SHMT1: variants seen among roughly 807,000 people sequenced by gnomAD.
SHMT1 encodes the protein serine hydroxymethyltransferase, cytosolic.
Under a neutral mutation model 49.0 loss-of-function variants are expected in SHMT1, and 45 were observed. The ratio of observed to expected loss-of-function variants is 0.92; its 90% CI spans 0.72 to 1.18. The LOEUF is 1.18. SHMT1 is among the 50% of genes most tolerant of loss of function. The pLI is 0.00. For missense variants in SHMT1, 541 were observed against 612.4 expected (o/e 0.88, Z 1.23); for synonymous variants, 232 against 246.6 (o/e 0.94, Z 0.55).
chr17:18,349,505 G>A (rs1985454385), intron 3 of SHMT1, among the ~76,000 whole-genome samples: 2 of 151,816 alleles, frequency 1.3e-5, no homozygotes, highest in South Asian at 4.2e-4. Context: ...AACTGCTTGA[G>A]GCCAGGAGTT....
chr17:18,330,545 T>A lies in SHMT1; in HGVS notation c.1171+10A>T. The A allele has an allele frequency of 6.4e-7, 1 of 1,572,468 alleles. No homozygotes were observed. The highest frequency in any genetic ancestry group is 8.8e-7 in the Non-Finnish European group (1 of 1,141,868). ...AGAGGAGTGAAGGAGAAGGCAAGGA[T>A]GATTCTCACCTGGACAGGTGTTCTT... On this transcript the variant is annotated intron_variant, in intron 10 of 11. Coordinates refer to ENST00000316694, the MANE Select transcript of SHMT1 (RefSeq NM_004169.5).
At position 18,339,049 on chromosome 17, in the gene SHMT1, TAAAAAAAAAAAAA is replaced by T. The variant is rs34704448; in HGVS notation, c.814+981_814+993del. Among the ~76,000 whole-genome samples the T allele has an allele frequency of 3.7e-4, 10 of 26,874 alleles. No individual in the cohort carries two copies. The South Asian group carries it at 8.1e-3, about 22-fold the overall frequency. 17.6% of individuals were successfully genotyped at this position (26,874 alleles called of 152,430 possible). ...ACACCCAAGAATGATCAATAAATAC[TAAAAAAAAAAAAA>T]AAAAAAAAAAAAAAAAAGAGTAATG... On this transcript the variant is annotated intron_variant, in intron 7 of 11. Coordinates refer to ENST00000316694, the MANE Select transcript of SHMT1 (RefSeq NM_004169.5).
chr17:18,361,383 CAGG>C (rs1260802611), intron 1 of SHMT1, among the ~76,000 whole-genome samples: 3 of 149,998 alleles, frequency 2.0e-5, no homozygotes, highest in Admixed American at 6.7e-5. Flanking sequence ...AGGCTGAGAC[CAGG>C]AGAATAGCTT....
At chr17:18,328,969 G>A (rs1449089875) in intron 11 of SHMT1, 50 bp from the exon 12 acceptor site, 2 of 1,608,166 alleles carry the variant, frequency 1.2e-6, no homozygotes. Flanking sequence ...ACCAAAGGGG[G>A]TACAATGGCT....
intron 3 of SHMT1, among the ~76,000 whole-genome samples, chr17:18,352,655 CTG>C (rs1485585109): frequency 6.6e-6 from 1 of 151,748 alleles, no homozygotes; most frequent in Non-Finnish European, 1.5e-5. Context: ...GGGTGAAACT[CTG>C]TCTCTACAAA....
Position 18,362,324 on chromosome 17 carries a change from C to G in SHMT1, c.-20+1048G>C, listed in dbSNP as rs139577645. On this transcript the variant is annotated intron_variant, in intron 1 of 11. Coordinates refer to ENST00000316694, the MANE Select transcript of SHMT1 (RefSeq NM_004169.5). ...TTTCTTTTTTTTCTTTTCTTTCTCT[C>G]TCTTTCTTTCTTTTGAGATAGAGTC... Among the ~76,000 whole-genome samples, 589 of 152,020 alleles carry G rather than the reference C, an allele frequency of 3.9e-3. 2 individuals carry two copies. The highest frequency in any genetic ancestry group is 0.013 in the African/African-American group (538 of 41,482).
intron 11 of SHMT1, 119 bp downstream of exon 11, chr17:18,329,159 C>T: frequency 2.2e-6 from 2 of 916,772 alleles, no homozygotes; most frequent in Non-Finnish European, 3.5e-6. Context: ...CTGTCTCCCA[C>T]CCCAACACTC....
intron 1 of SHMT1, among the ~76,000 whole-genome samples, chr17:18,358,450 T>C (rs1986459015): frequency 6.6e-6 from 1 of 151,412 alleles, no homozygotes; most frequent in African/African-American, 2.4e-5. Context: ...AGATCACCAC[T>C]GCACTCCAGG....
At position 18,353,522 on chromosome 17, in the gene SHMT1, A is replaced by C. The variant is rs528384377; in HGVS notation, c.242+150T>G. 7.2e-5 allele frequency: 61 copies of C among 849,004 alleles called. No individual in the cohort carries two copies. The African/African-American group carries it at 9.3e-4, about 13-fold the overall frequency. 52.6% of individuals were successfully genotyped at this position (849,004 alleles called of 1,614,324 possible). A position where few individuals can be genotyped will look rare whatever the true frequency, so the allele number is the denominator to read the frequency against. On this transcript the variant is annotated intron_variant, in intron 3 of 11. Coordinates refer to ENST00000316694, the MANE Select transcript of SHMT1 (RefSeq NM_004169.5). ...CAGTGTTATCACATGCTGGGAATAA[A>C]AGAGTTCTGTCAGAGAGCAGGCGTG...
intron 4 of SHMT1, 68 bp from the exon 5 acceptor site, chr17:18,347,724 T>G: frequency 6.3e-7 from 1 of 1,579,684 alleles, no homozygotes; most frequent in Non-Finnish European, 8.7e-7. Context: ...TCCGGGACCT[T>G]GGCCACTAAG....
chr17:18,333,418 T>C, intron 8 of SHMT1, 130 bp from the exon 9 acceptor site: 2 of 603,230 alleles, frequency 3.3e-6, no homozygotes, highest in African/African-American at 1.9e-5. Context: ...TGCGTTGGAT[T>C]ATCTTTTCCT....
At chr17:18,363,042 T>C (rs1451539134) in intron 1 of SHMT1, 4 of 152,230 alleles carry the variant, frequency 2.6e-5, no homozygotes, top group African/African-American at 9.7e-5. Flanking sequence ...GTGAAGGAGC[T>C]AGGATTGTTT....
intron 7 of SHMT1, among the ~76,000 whole-genome samples, chr17:18,336,877 T>C (rs1450923356): frequency 6.6e-6 from 1 of 152,016 alleles, no homozygotes; most frequent in Non-Finnish European, 1.5e-5. Flanking sequence ...GCCCGGGAAG[T>C]TGAAGTTGCA....
intron 5 of SHMT1, among the ~76,000 whole-genome samples, chr17:18,347,118 G>C (rs957811502): frequency 6.6e-6 from 1 of 152,222 alleles, no homozygotes; most frequent in Admixed American, 6.5e-5. Flanking sequence ...CAGGGGCTCC[G>C]AGCAGAGATG....
intron 5 of SHMT1, chr17:18,341,100 C>A: frequency 2.1e-6 from 1 of 467,846 alleles, no homozygotes; most frequent in Non-Finnish European, 3.9e-6. Context: ...ACAAATGTGA[C>A]GGGACCACAC....
intron 3 of SHMT1, among the ~76,000 whole-genome samples, chr17:18,349,484 T>G (rs1345354352): frequency 6.6e-6 from 1 of 152,064 alleles, no homozygotes; most frequent in African/African-American, 2.4e-5. Flanking sequence ...TTTGGAAGGC[T>G]GAGGTGGGAG....
chr17:18,359,937 T>TTTGTTGC lies in SHMT1; in HGVS notation c.-20+3434_-20+3435insGCAACAA, dbSNP rs1986600366. 2.2e-5 allele frequency among the ~76,000 whole-genome samples: 3 copies of TTTGTTGC among 137,096 alleles called. No individual in the cohort carries two copies. The South Asian group carries it at 6.8e-4, about 31-fold the overall frequency. 89.9% of individuals were successfully genotyped at this position (137,096 alleles called of 152,430 possible). A position where few individuals can be genotyped will look rare whatever the true frequency, so the allele number is the denominator to read the frequency against. ...CCGCAGCCTGGCAACAAAGCAAGACTCTATCTTAAAAAAAAAAAAAAATTA... is the reference window on the plus strand; with the variant it reads ...CCGCAGCCTGGCAACAAAGCAAGACTTTGTTGCCTATCTTAAAAAAAAAAAAAAATTA... On this transcript the variant is annotated intron_variant, in intron 1 of 11. Transcript: ENST00000316694.
At chr17:18,331,117 G>A (rs563859648) in intron 9 of SHMT1, 14 of 313,582 alleles carry the variant, frequency 4.5e-5, no homozygotes, top group East Asian at 8.1e-5. Context: ...GGTTTTTCCC[G>A]GATCCTGTGA....
intron 7 of SHMT1, among the ~76,000 whole-genome samples, chr17:18,337,929 C>T (rs1984004931): frequency 6.6e-6 from 1 of 152,148 alleles, no homozygotes; most frequent in African/African-American, 2.4e-5. Context: ...CTACAACCTC[C>T]ACCTCCCAGC....
Sources: gnomAD v4.1 joint callset for allele counts (sites outside exome capture counted in the v4.1 genomes callset) on GRCh38, gnomAD v4.1.1 for gene constraint, MANE v1.5 for transcripts, NCBI Gene and HGNC (gene_info 2026-07-23, HGNC 2026-07-21) for gene names.